MAML3: variants seen among roughly 807,000 people sequenced by gnomAD.
MAML3 encodes the protein mastermind like transcriptional coactivator 3, also known as mastermind-like protein 3.
In MAML3, 27 loss-of-function variants were observed where a neutral mutation model predicts 101.9. That is an observed-to-expected ratio of 0.27 (90% CI 0.20 to 0.37). The LOEUF (loss-of-function observed/expected upper bound fraction) is 0.37. Among genes scored for constraint, MAML3 ranks in the 10% least tolerant of loss-of-function variants. The probability of loss-of-function intolerance (pLI) is 1.00; values close to 1 mark genes in which losing one functional copy is unlikely to be tolerated. For missense variants in MAML3, 1,316 were observed against 1,444.9 expected (o/e 0.91, Z 1.45); for synonymous variants, 501 against 555.9 (o/e 0.90, Z 1.39).
At chr4:139,919,061 G>A (rs35584776) in intron 1 of MAML3, among the ~76,000 whole-genome samples, 3 of 152,114 alleles carry the variant, frequency 2.0e-5, no homozygotes, top group Non-Finnish European at 4.4e-5. Context: ...AATACTACAG[G>A]TCCCCAAATC....
chr4:140,075,754 T>A (rs1249824077), intron 1 of MAML3, among the ~76,000 whole-genome samples: 1 of 151,686 alleles, frequency 6.6e-6, no homozygotes. Flanking sequence ...CCCAGGCTAG[T>A]CTTTTTTGGG....
intron 1 of MAML3, among the ~76,000 whole-genome samples, chr4:139,924,271 T>C (rs1163045525): frequency 1.3e-5 from 2 of 152,226 alleles, no homozygotes; most frequent in Admixed American, 6.5e-5. Context: ...TAAAAGATAC[T>C]ATTTTGTTAA....
chr4:140,097,222 A>G (rs908167082), intron 1 of MAML3, among the ~76,000 whole-genome samples: 1 of 152,210 alleles, frequency 6.6e-6, no homozygotes, highest in Non-Finnish European at 1.5e-5. Context: ...TCAGGGCAAG[A>G]GCATAAGAGA....
intron 2 of MAML3, among the ~76,000 whole-genome samples, chr4:139,823,448 T>C (rs1431190126): frequency 6.6e-6 from 1 of 152,138 alleles, no homozygotes; most frequent in Non-Finnish European, 1.5e-5. Context: ...ACAAAGGCCA[T>C]GAACTGTGAC....
rs144124412 is a variant in MAML3 at position 139,936,033 on chromosome 4, C to G, written c.469-45066G>C. 3.3e-5 allele frequency among the ~76,000 whole-genome samples: 5 copies of G among 152,290 alleles called. No homozygotes were observed. In the East Asian group the frequency reaches 9.7e-4, roughly 29 times the overall value. On this transcript the variant is annotated intron_variant, in intron 1 of 4. Transcript: ENST00000509479. ...TTGTACCCTTCGACCAACATCTCCT[C>G]ATTTTCCCCGCCTCCCAGCCTCAGA... is the stretch of plus-strand genomic sequence containing the variant.
chr4:139,806,995 A>G (rs796664410), intron 2 of MAML3, among the ~76,000 whole-genome samples: 4 of 152,342 alleles, frequency 2.6e-5, no homozygotes, highest in African/African-American at 9.6e-5. Context: ...TTAAATTTCT[A>G]AAATAAACAG....
At chr4:140,054,546 T>C (rs1424643771) in intron 1 of MAML3, among the ~76,000 whole-genome samples, 1 of 152,186 alleles carries the variant, frequency 6.6e-6, no homozygotes, top group African/African-American at 2.4e-5. Flanking sequence ...CTAAGATGCC[T>C]TGCACCTCTC....
chr4:139,778,982 C>CAAAAAAA (rs67782985), intron 2 of MAML3, among the ~76,000 whole-genome samples: 1 of 100,632 alleles, frequency 9.9e-6, no homozygotes, highest in African/African-American at 3.7e-5. Context: ...GACTCCACCT[C>CAAAAAAA]AAAAAAAAAA....
chr4:139,874,392 AT>A (rs554826655), intron 2 of MAML3, among the ~76,000 whole-genome samples: 5 of 152,014 alleles, frequency 3.3e-5, no homozygotes, highest in African/African-American at 7.2e-5. Flanking sequence ...GCCAAGATTG[AT>A]TTTTTTTAAA....
intron 1 of MAML3, among the ~76,000 whole-genome samples, chr4:139,991,161 G>A (rs932830052): frequency 6.6e-6 from 1 of 152,096 alleles, no homozygotes; most frequent in African/African-American, 2.4e-5. Context: ...ATACTACAAG[G>A]CTACAGTAAC....
chr4:139,995,825 T>A (rs2110835563), intron 1 of MAML3, among the ~76,000 whole-genome samples: 1 of 152,154 alleles, frequency 6.6e-6, no homozygotes, highest in South Asian at 2.1e-4. Context: ...ATTGTTTCCT[T>A]CTGCTTGCTT....
intron 1 of MAML3, among the ~76,000 whole-genome samples, chr4:140,023,164 T>G (rs923772071): frequency 6.6e-6 from 1 of 152,210 alleles, no homozygotes; most frequent in Non-Finnish European, 1.5e-5. Flanking sequence ...TGCAGAATGA[T>G]ACTGAGAACT....
At chr4:139,766,533 A>G (rs1005691314) in intron 2 of MAML3, among the ~76,000 whole-genome samples, 4 of 152,054 alleles carry the variant, frequency 2.6e-5, no homozygotes, top group African/African-American at 9.7e-5. Context: ...ACTGCCAACA[A>G]TTTCTGGTTC....
rs116292875 is a variant in MAML3 at position 140,098,280 on chromosome 4, C to T, written c.468+54580G>A. ...AATCCGAGCTCTATTACATACAATG[C>T]GCACGTCCTTGGGCAAATTATTTCT... On this transcript the variant is annotated intron_variant, in intron 1 of 4. Coordinates refer to ENST00000509479, the MANE Select transcript of MAML3 (RefSeq NM_018717.5). Among the ~76,000 whole-genome samples the T allele has an allele frequency of 1.9e-3, 284 of 152,294 alleles. 1 individual carries two copies. Among genetic ancestry groups the T allele is most frequent in the African/African-American group, 6.4e-3 (265 of 41,548 alleles).
intron 2 of MAML3, among the ~76,000 whole-genome samples, chr4:139,749,237 C>T (rs531303331): frequency 6.9e-4 from 105 of 152,270 alleles, no homozygotes; most frequent in Non-Finnish European, 1.2e-3. Flanking sequence ...TGACCTAATG[C>T]TTTTGCTTTC....
intron 1 of MAML3, among the ~76,000 whole-genome samples, chr4:140,139,227 G>T (rs1728944423): frequency 6.6e-6 from 1 of 152,112 alleles, no homozygotes; most frequent in African/African-American, 2.4e-5. Context: ...GAGCTAAGAT[G>T]GTGCCACTGC....
At chr4:139,790,410 T>A (rs1053194051) in intron 2 of MAML3, among the ~76,000 whole-genome samples, 1 of 151,640 alleles carries the variant, frequency 6.6e-6, no homozygotes, top group Non-Finnish European at 1.5e-5. Context: ...ATAACATAGG[T>A]ACTATTGTAA....
chr4:139,811,314 C>T (rs1730792479), intron 2 of MAML3, among the ~76,000 whole-genome samples: 1 of 152,202 alleles, frequency 6.6e-6, no homozygotes, highest in Admixed American at 6.5e-5. Context: ...AGAGTGCACA[C>T]AGTCTAGAAA....
intron 1 of MAML3, among the ~76,000 whole-genome samples, chr4:140,069,440 GAA>G (rs1727600529): frequency 1.1e-4 from 13 of 121,958 alleles, no homozygotes; most frequent in East Asian, 2.6e-4. Flanking sequence ...AGAAGGAGGA[GAA>G]GGAGGAGAAG....
Sources: allele counts gnomAD v4.1 joint callset (sites outside exome capture counted in the v4.1 genomes callset), GRCh38; gene constraint gnomAD v4.1.1; transcripts MANE v1.5; gene names NCBI Gene and HGNC (gene_info 2026-07-23, HGNC 2026-07-21).